Variants in TP53INP1 observed in about 807,000 individuals in gnomAD.
The protein encoded by TP53INP1 is tumor protein p53 inducible nuclear protein 1.
TP53INP1 carries 12 observed loss-of-function variants against 21.0 expected under a neutral mutation model. The observed-to-expected ratio is 0.57, with a 90% CI of 0.37 to 0.93. TP53INP1 has a LOEUF of 0.93. Among genes scored for constraint, TP53INP1 ranks in the 40% least tolerant of loss-of-function variants. TP53INP1 has a pLI of 0.01. For missense variants in TP53INP1, 274 were observed against 294.7 expected (o/e 0.93, Z 0.51); for synonymous variants, 91 against 94.8 (o/e 0.96, Z 0.23).
At chr8:94,936,316 A>T (rs1820970325) in intron 3 of TP53INP1, among the ~76,000 whole-genome samples, 1 of 152,154 alleles carries the variant, frequency 6.6e-6, no homozygotes, top group Admixed American at 6.5e-5. Context: ...TTATGTAGGG[A>T]ATGTAAGAAG....
chr8:94,936,765 C>T (rs1467519398), intron 3 of TP53INP1, among the ~76,000 whole-genome samples: 1 of 152,152 alleles, frequency 6.6e-6, no homozygotes, highest in Non-Finnish European at 1.5e-5. Flanking sequence ...GTGACTGGGA[C>T]TGGAAGCAGA....
chr8:94,932,665 C>A (rs973197418), intron 3 of TP53INP1, among the ~76,000 whole-genome samples: 1 of 151,836 alleles, frequency 6.6e-6, no homozygotes, highest in East Asian at 1.9e-4. Context: ...TAGCTGGGTG[C>A]GGTGGCGGGC....
intron 1 of TP53INP1, among the ~76,000 whole-genome samples, chr8:94,948,532 G>C (rs991887873): frequency 9.2e-5 from 14 of 152,326 alleles, no homozygotes; most frequent in African/African-American, 3.4e-4. Flanking sequence ...GCCGCGGACA[G>C]GCGGGGGCCG....
chr8:94,932,518 T>G (rs2131321290), intron 3 of TP53INP1, among the ~76,000 whole-genome samples: 1 of 152,284 alleles, frequency 6.6e-6, no homozygotes, highest in Middle Eastern at 3.4e-3. Flanking sequence ...GAATTTCAAA[T>G]CCCTGCCGGG....
chr8:94,936,622 C>G (rs547743490), intron 3 of TP53INP1, among the ~76,000 whole-genome samples: 1 of 152,206 alleles, frequency 6.6e-6, no homozygotes, highest in South Asian at 2.1e-4. Flanking sequence ...TGGACATGGT[C>G]AGGCAGAATC....
At chr8:94,931,479 A>T (rs1365135328) in intron 3 of TP53INP1, among the ~76,000 whole-genome samples, 1 of 148,604 alleles carries the variant, frequency 6.7e-6, no homozygotes. Context: ...GCTGTAAACT[A>T]TGTCAACACG....
Position 94,939,979 on chromosome 8 carries a change from A to T in TP53INP1, c.354T>A (p.Pro118=). The T allele has an allele frequency of 6.2e-7, 1 of 1,614,226 alleles. No individual in the cohort carries two copies. The highest frequency in any genetic ancestry group is 1.1e-5 in the South Asian group (1 of 91,082). Residue 118 remains proline, a synonymous_variant, in exon 3 of 4, where the codon CCT becomes CCA. Transcript: ENST00000342697. ...GLTTIKVETS[P]MENLLIEHPS... ...GATGTTCAATGAGAAGGTTTTCCAT[A>T]GGACTTGTTTCCACCTTGATAGTGG...
intron 3 of TP53INP1, chr8:94,932,149 T>C (rs1167148304): frequency 1.9e-6 from 3 of 1,583,774 alleles, no homozygotes; most frequent in Non-Finnish European, 2.6e-6. Context: ...ACTAGTAAGA[T>C]TTAAAATGCT....
At chr8:94,944,863 C>T (rs1279324774) in intron 1 of TP53INP1, among the ~76,000 whole-genome samples, 4 of 152,152 alleles carry the variant, frequency 2.6e-5, no homozygotes, top group Admixed American at 2.0e-4. Flanking sequence ...CTCTCTTTCC[C>T]CACAAACTTC....
chr8:94,941,402 G>A (rs1332099865), intron 1 of TP53INP1, among the ~76,000 whole-genome samples: 1 of 152,088 alleles, frequency 6.6e-6, no homozygotes, highest in Non-Finnish European at 1.5e-5. Context: ...AAGCAGATGA[G>A]CAAATTCTAG....
intron 3 of TP53INP1, among the ~76,000 whole-genome samples, chr8:94,933,648 C>T (rs559259053): frequency 1.3e-5 from 2 of 152,060 alleles, no homozygotes; most frequent in African/African-American, 4.8e-5. Flanking sequence ...GCCTGTAGTC[C>T]CAGCTAATCG....
chr8:94,935,017 T>C (rs1390604047), intron 3 of TP53INP1, among the ~76,000 whole-genome samples: 1 of 152,008 alleles, frequency 6.6e-6, no homozygotes, highest in East Asian at 1.9e-4. Context: ...GACTTGAGAG[T>C]ATGGCAAACT....
intron 1 of TP53INP1, among the ~76,000 whole-genome samples, chr8:94,948,669 C>T (rs1171141357): frequency 5.3e-5 from 8 of 152,212 alleles, no homozygotes; most frequent in African/African-American, 9.6e-5. Context: ...CCGCTGTCTT[C>T]GGAGATGCGT....
chr8:94,930,273 AC>A lies in TP53INP1; in HGVS notation c.*205del. On this transcript the variant is annotated 3_prime_UTR_variant, in exon 4 of 4. Coordinates refer to ENST00000342697, the MANE Select transcript of TP53INP1 (RefSeq NM_033285.4). ...TTCCAGAAATAATCTGAAAAAGTGTACAAAAAAAGTAAATGTTAAAGGCAAG... is the reference window on the plus strand; with the variant it reads ...TTCCAGAAATAATCTGAAAAAGTGTAAAAAAAAGTAAATGTTAAAGGCAAG... The A allele has an allele frequency of 1.6e-6, 1 of 612,224 alleles. No homozygotes were observed. The highest frequency in any genetic ancestry group is 2.5e-5 in the South Asian group (1 of 39,660). 37.9% of individuals were successfully genotyped at this position (612,224 alleles called of 1,614,324 possible).
In TP53INP1 at chr8:94,928,427, T is replaced by C. The variant is rs1487376401; in HGVS notation, c.*2052A>G. 1 of 152,418 alleles carries C rather than the reference T, an allele frequency of 6.6e-6. No homozygotes were observed. The highest frequency in any genetic ancestry group is 6.5e-5 in the Admixed American group (1 of 15,284). 9.4% of individuals were successfully genotyped at this position (152,418 alleles called of 1,614,324 possible). A position where few individuals can be genotyped will look rare whatever the true frequency, so the allele number is the denominator to read the frequency against. On this transcript the variant is annotated 3_prime_UTR_variant, in exon 4 of 4. Coordinates refer to ENST00000342697, the MANE Select transcript of TP53INP1 (RefSeq NM_033285.4). ...GGTCTATTTTCAAGTTACCAATGCA[T>C]GGCCCTATAACAAACATCGTATAAA...
intron 2 of TP53INP1, 70 bp from the exon 3 acceptor site, chr8:94,940,290 T>C (rs996731882): frequency 5.3e-6 from 8 of 1,502,204 alleles, no homozygotes; most frequent in Non-Finnish European, 7.1e-6. Flanking sequence ...ATTATCACAT[T>C]GGGCAGTCAT....
At chr8:94,935,519 G>A (rs1255892122) in intron 3 of TP53INP1, among the ~76,000 whole-genome samples, 1 of 152,210 alleles carries the variant, frequency 6.6e-6, no homozygotes, top group Non-Finnish European at 1.5e-5. Context: ...ACCAACAATT[G>A]CTTGGGGCAA....
chr8:94,934,446 C>CACT (rs1820766728), intron 3 of TP53INP1, among the ~76,000 whole-genome samples: 1 of 151,098 alleles, frequency 6.6e-6, no homozygotes, highest in African/African-American at 2.4e-5. Flanking sequence ...AGTGCAATGG[C>CACT]GTGATCTCAG....
intron 1 of TP53INP1, among the ~76,000 whole-genome samples, chr8:94,945,134 A>G (rs1031306369): frequency 1.3e-4 from 20 of 152,226 alleles, no homozygotes; most frequent in African/African-American, 4.3e-4. Flanking sequence ...CTGATAATTT[A>G]GTTTTTTGAA....
Sources: gnomAD v4.1 joint callset for allele counts (sites outside exome capture counted in the v4.1 genomes callset) on GRCh38, gnomAD v4.1.1 for gene constraint, MANE v1.5 for transcripts, NCBI Gene and HGNC (gene_info 2026-07-23, HGNC 2026-07-21) for gene names.